ADAMTS2: variants seen among roughly 807,000 people sequenced by gnomAD.
ADAMTS2 encodes the protein ADAM metallopeptidase with thrombospondin type 1 motif 2.
Under a neutral mutation model 123.0 loss-of-function variants are expected in ADAMTS2, and 50 were observed. The observed-to-expected ratio is 0.41, with a 90% CI of 0.32 to 0.51. ADAMTS2 has a LOEUF of 0.51. ADAMTS2 is among the 20% of genes least tolerant of loss of function. The pLI is 0.35. For missense variants in ADAMTS2, 1,494 were observed against 1,705.2 expected (o/e 0.88, Z 2.18); for synonymous variants, 678 against 695.4 (o/e 0.98, Z 0.39).
intron 4 of ADAMTS2, among the ~76,000 whole-genome samples, chr5:179,194,763 G>A (rs1764381425): frequency 6.6e-6 from 1 of 152,156 alleles, no homozygotes; most frequent in Admixed American, 6.5e-5. Flanking sequence ...AGGTAGTGAG[G>A]TCACAGGTGT....
At chr5:179,232,281 A>C (rs750527523) in intron 3 of ADAMTS2, among the ~76,000 whole-genome samples, 17 of 152,202 alleles carry the variant, frequency 1.1e-4, no homozygotes, top group Non-Finnish European at 7.3e-5. Flanking sequence ...GCGCCATGGA[A>C]GCCACACGGG....
chr5:179,270,133 A>C (rs1206669109), intron 3 of ADAMTS2, among the ~76,000 whole-genome samples: 1 of 152,194 alleles, frequency 6.6e-6, no homozygotes, highest in Non-Finnish European at 1.5e-5. Context: ...TCCCCCAGGC[A>C]ATCTGCAATC....
At position 179,132,344 on chromosome 5, in the gene ADAMTS2, G is replaced by A. The variant is rs766458895; in HGVS notation, c.2210-34C>T. ...GATGTGGAAAGACACAGAAAACTGA[G>A]AAGGGAAGGCGCCGCTCAAATTCGC... On this transcript the variant is annotated intron_variant, in intron 14 of 21. Transcript: ENST00000251582. The surrounding 1 kb of genome is among the most constrained non-coding windows in gnomAD (Gnocchi z 6.1). The A allele has an allele frequency of 1.2e-6, 2 of 1,604,422 alleles. No individual in the cohort carries two copies. Among genetic ancestry groups the A allele is most frequent in the South Asian group, 1.1e-5 (1 of 90,786 alleles).
In ADAMTS2 at chr5:179,225,762, C is replaced by A. The variant is rs529454694; in HGVS notation, c.689-18047G>T. The stretch of plus-strand genomic sequence containing the variant: ...ACCCCATCCTCCTTCTGGCTTCCCC[C>A]ATCTGCTGAGAGCTACTTCCACTCA... On this transcript the variant is annotated intron_variant, in intron 3 of 21. Coordinates refer to ENST00000251582, the MANE Select transcript of ADAMTS2 (RefSeq NM_014244.5). This position sits in a 1 kb window ranked among gnomAD's most constrained non-coding sequence, Gnocchi z 4.5. Among the ~76,000 whole-genome samples the A allele has an allele frequency of 6.6e-5, 10 of 152,320 alleles. No homozygotes were observed. Among genetic ancestry groups the A allele is most frequent in the Middle Eastern group, 3.4e-3 (1 of 294 alleles).
chr5:179,246,281 G>A (rs907945210), intron 3 of ADAMTS2, among the ~76,000 whole-genome samples: 2 of 152,300 alleles, frequency 1.3e-5, no homozygotes, highest in Middle Eastern at 3.4e-3. Context: ...GAGAATTGTG[G>A]TTGTGGGTTT....
At chr5:179,171,416 A>G (rs1275888819) in intron 5 of ADAMTS2, among the ~76,000 whole-genome samples, 1 of 152,178 alleles carries the variant, frequency 6.6e-6, no homozygotes, top group African/African-American at 2.4e-5. Flanking sequence ...AGCCCCTAGC[A>G]GTGCCACCTC....
Position 179,189,603 on chromosome 5 carries a change from C to A in ADAMTS2, c.892-8448G>T, listed in dbSNP as rs530831520. 6.7e-6 allele frequency among the ~76,000 whole-genome samples: 1 copy of A among 148,766 alleles called. No homozygotes were observed. The highest frequency in any genetic ancestry group is 1.5e-5 in the Non-Finnish European group (1 of 67,416). Reference sequence around the variant, plus strand: ...TGATCTCCTGACTTCATGATCTGCCCGCCTCGGCCTCCCAAAGTGCTGGGA... The same window carrying A: ...TGATCTCCTGACTTCATGATCTGCCAGCCTCGGCCTCCCAAAGTGCTGGGA... On this transcript the variant is annotated intron_variant, in intron 4 of 21. Transcript: ENST00000251582. The surrounding 1 kb of genome is among the most constrained non-coding windows in gnomAD (Gnocchi z 4.2).
intron 4 of ADAMTS2, among the ~76,000 whole-genome samples, chr5:179,192,020 T>A (rs1437419681): frequency 6.6e-6 from 1 of 151,976 alleles, no homozygotes; most frequent in Non-Finnish European, 1.5e-5. Flanking sequence ...CATGCCTAAG[T>A]GGCCCAGGCG....
chr5:179,122,712 T>A lies in ADAMTS2; in HGVS notation c.3020A>T (p.Asp1007Val), dbSNP rs773933916. The change falls in exon 20 of 22, where the codon GAC becomes GTC. Residue 1007 changes from aspartate to valine, a missense_variant. Asp to Val is a radical substitution (Grantham distance 152). Coordinates refer to ENST00000251582, the MANE Select transcript of ADAMTS2 (RefSeq NM_014244.5). ...ERPVLCRTAD[D>V]SFGICQEERP... ...CTCCTCCTGGCAGATGCCGAAGCTG[T>A]CGTCCGCGGTGCGGCAGAGCACTGG... The A allele has an allele frequency of 6.4e-6, 10 of 1,551,934 alleles. No homozygotes were observed. In the East Asian group the frequency reaches 2.2e-4, roughly 34 times the overall value.
At chr5:179,343,208 A>G (rs1757829596) in intron 2 of ADAMTS2, among the ~76,000 whole-genome samples, 1 of 152,212 alleles carries the variant, frequency 6.6e-6, no homozygotes, top group Non-Finnish European at 1.5e-5. Flanking sequence ...ACCCGCACGC[A>G]AGGAAACAGG....
At chr5:179,274,432 C>T (rs932319563) in intron 2 of ADAMTS2, among the ~76,000 whole-genome samples, 2 of 152,254 alleles carry the variant, frequency 1.3e-5, no homozygotes, top group Non-Finnish European at 1.5e-5. Context: ...CAGCACCCAT[C>T]GACACTCCAG....
intron 5 of ADAMTS2, among the ~76,000 whole-genome samples, chr5:179,161,456 A>T (rs1031382073): frequency 2.6e-5 from 4 of 152,194 alleles, no homozygotes; most frequent in African/African-American, 7.2e-5. Flanking sequence ...AGAAAGACAA[A>T]TACTGCACGC....
At position 179,344,085 on chromosome 5, in the gene ADAMTS2, G is replaced by C. The variant is rs754117015; in HGVS notation, c.216C>G (p.Ser72=). 1 of 1,610,820 alleles carries C rather than the reference G, an allele frequency of 6.2e-7. No individual in the cohort carries two copies. Among genetic ancestry groups the C allele is most frequent in the South Asian group, 1.1e-5 (1 of 90,930 alleles). ...VRTDAQGRLV[S]HVVSAATSRA... ...TGGACGTAGCTGCCGACACCACGTGGGACACCAAGCGGCCCTGGGCGTCAG... is the reference window on the plus strand; with the variant it reads ...TGGACGTAGCTGCCGACACCACGTGCGACACCAAGCGGCCCTGGGCGTCAG... Residue 72 remains serine, a synonymous_variant, in exon 2 of 22, where the codon TCC becomes TCG. Coordinates refer to ENST00000251582, the MANE Select transcript of ADAMTS2 (RefSeq NM_014244.5).
intron 3 of ADAMTS2, among the ~76,000 whole-genome samples, chr5:179,271,000 AC>A (rs1292109759): frequency 1.3e-5 from 2 of 150,848 alleles, no homozygotes; most frequent in Non-Finnish European, 3.0e-5. Context: ...CCATTACCAA[AC>A]CCCCACCTTC....
intron 3 of ADAMTS2, among the ~76,000 whole-genome samples, chr5:179,210,486 G>A (rs1054583910): frequency 6.6e-6 from 1 of 152,236 alleles, no homozygotes; most frequent in Non-Finnish European, 1.5e-5. Flanking sequence ...TATTTTAATC[G>A]TGATAATTTT....
intron 4 of ADAMTS2, among the ~76,000 whole-genome samples, chr5:179,200,987 G>C (rs2113359664): frequency 6.6e-6 from 1 of 152,258 alleles, no homozygotes; most frequent in East Asian, 1.9e-4. Flanking sequence ...AATAATCTCT[G>C]TTTACAAATA....
chr5:179,124,537 G>A (rs1013128258), intron 19 of ADAMTS2, among the ~76,000 whole-genome samples: 5 of 152,184 alleles, frequency 3.3e-5, no homozygotes, highest in African/African-American at 7.2e-5. Flanking sequence ...TCCAGACCCC[G>A]TATCATGCAG....
At chr5:179,183,929 G>A (rs1764107035) in intron 4 of ADAMTS2, among the ~76,000 whole-genome samples, 1 of 152,182 alleles carries the variant, frequency 6.6e-6, no homozygotes, top group Non-Finnish European at 1.5e-5. Flanking sequence ...CTCTGCCGTG[G>A]GAGGACCCAG....
At chr5:179,211,229 C>G (rs1055604379) in intron 3 of ADAMTS2, among the ~76,000 whole-genome samples, 5 of 152,276 alleles carry the variant, frequency 3.3e-5, no homozygotes, top group Admixed American at 6.5e-5. Context: ...CACACAGCCT[C>G]TGCTGTATCC....
Sources: allele counts gnomAD v4.1 joint callset (sites outside exome capture counted in the v4.1 genomes callset), GRCh38; gene constraint gnomAD v4.1.1; non-coding constraint Gnocchi (gnomAD v3.1); transcripts MANE v1.5; gene names NCBI Gene and HGNC (gene_info 2026-07-23, HGNC 2026-07-21).